The following LRP1B variants were observed in gnomAD, a reference collection of about 807,000 sequenced individuals.
The protein encoded by LRP1B is LDL receptor related protein 1B, also known as low-density lipoprotein receptor-related protein 1B.
In LRP1B, 217 loss-of-function variants were observed where a neutral mutation model predicts 556.6. That is an observed-to-expected ratio of 0.39 (90% confidence interval 0.35 to 0.44). LRP1B has a LOEUF of 0.44. Among genes scored for constraint, LRP1B ranks in the 20% least tolerant of loss-of-function variants. The probability of loss-of-function intolerance (pLI) is 1.00; values close to 1 mark genes in which losing one functional copy is unlikely to be tolerated. For synonymous variants in LRP1B, 2,047 were observed against 1,865.8 expected (o/e 1.10, Z -2.50); for missense variants, 5,053 against 5,620.8 (o/e 0.90, Z 3.23).
intron 11 of LRP1B, among the ~76,000 whole-genome samples, chr2:141,030,899 G>A (rs1470567078): frequency 1.3e-5 from 2 of 151,808 alleles, no homozygotes; most frequent in Non-Finnish European, 1.5e-5. Context: ...TTTTTTGAGG[G>A]AGGCAAAAAG....
chr2:140,529,748 G>T (rs11693520), intron 47 of LRP1B, among the ~76,000 whole-genome samples: 71,755 of 151,690 alleles, frequency 0.47, 17,490 homozygotes, highest in East Asian at 0.63. Flanking sequence ...TTCCCAAAGG[G>T]AGCAGTCTGT....
rs1197955075 is a variant in LRP1B at position 141,413,968 on chromosome 2, C to T, written c.343+66428G>A. Among the ~76,000 whole-genome samples the T allele has an allele frequency of 4.0e-5, 6 of 151,830 alleles. No individual in the cohort carries two copies. The East Asian group carries it at 5.8e-4, about 15-fold the overall frequency. On this transcript the variant is annotated intron_variant, in intron 3 of 90. Coordinates refer to ENST00000389484, the MANE Select transcript of LRP1B (RefSeq NM_018557.3). The stretch of plus-strand genomic sequence containing the variant: ...GAAAGAGGCTGGGCGCAGTGGCTCA[C>T]GCCTGTAATCCCAGCACTTTGGGAG...
At chr2:140,245,721 T>G (rs533789118) in intron 87 of LRP1B, among the ~76,000 whole-genome samples, 103 of 151,496 alleles carry the variant, frequency 6.8e-4, no homozygotes, top group African/African-American at 2.0e-3. Flanking sequence ...GGAAGAGAGA[T>G]AAAGTATTTT....
chr2:141,560,696 G>T (rs749738488), intron 2 of LRP1B, among the ~76,000 whole-genome samples: 4 of 151,614 alleles, frequency 2.6e-5, no homozygotes, highest in South Asian at 2.1e-4. Flanking sequence ...GGACATTAAA[G>T]AAATTATATG....
chr2:140,437,065 T>C (rs1243145025), intron 66 of LRP1B, among the ~76,000 whole-genome samples: 3 of 152,242 alleles, frequency 2.0e-5, no homozygotes, highest in Admixed American at 6.5e-5. Context: ...GAGTGTCATA[T>C]ATCAACAGCA....
rs1023565600 is a variant in LRP1B at position 140,728,406 on chromosome 2, C to T, written c.5759-11590G>A. On this transcript the variant is annotated intron_variant, in intron 35 of 90. Transcript: ENST00000389484. Reference sequence around the variant, plus strand: ...GATTAGAAAAGGACCAATAACAGCTCCAAGGAGAAATTTTTTTATTTTATT... The same window carrying T: ...GATTAGAAAAGGACCAATAACAGCTTCAAGGAGAAATTTTTTTATTTTATT... 3.3e-5 allele frequency among the ~76,000 whole-genome samples: 5 copies of T among 151,962 alleles called. No homozygotes were observed. The South Asian group carries it at 6.2e-4, about 19-fold the overall frequency.
chr2:141,623,136 A>G, intron 2 of LRP1B, among the ~76,000 whole-genome samples: 1 of 152,196 alleles, frequency 6.6e-6, no homozygotes, highest in East Asian at 1.9e-4. Context: ...CTAAGAAGGC[A>G]CATTTTAAAA....
intron 2 of LRP1B, among the ~76,000 whole-genome samples, chr2:141,493,764 C>T (rs1683418875): frequency 6.6e-6 from 1 of 152,110 alleles, no homozygotes. Flanking sequence ...ACCGTTATGG[C>T]TGTATCATGA....
chr2:140,255,838 A>T lies in LRP1B; in HGVS notation c.13248-8676T>A, dbSNP rs550306585. On this transcript the variant is annotated intron_variant, in intron 86 of 90. Coordinates refer to ENST00000389484, the MANE Select transcript of LRP1B (RefSeq NM_018557.3). ...TCATTTCTCACTGAAAGGAACATTA[A>T]TCCACTATGGGAAACTTTTTACATA... Among the ~76,000 whole-genome samples the T allele has an allele frequency of 1.3e-4, 20 of 152,332 alleles. No homozygotes were observed. In the East Asian group the frequency reaches 3.7e-3, roughly 28 times the overall value.
intron 77 of LRP1B, among the ~76,000 whole-genome samples, chr2:140,340,877 A>G (rs600802): frequency 0.48 from 72,671 of 151,142 alleles, 17,901 homozygotes; most frequent in Non-Finnish European, 0.53. Flanking sequence ...CAATGTTTAT[A>G]CCTAACCTAT....
At chr2:140,697,449 C>A (rs1437176001) in intron 41 of LRP1B, among the ~76,000 whole-genome samples, 1 of 151,574 alleles carries the variant, frequency 6.6e-6, no homozygotes, top group Non-Finnish European at 1.5e-5. Flanking sequence ...TTACAACACT[C>A]TCGTTTTTTT....
chr2:142,010,554 CAA>C (rs33927334), intron 1 of LRP1B, among the ~76,000 whole-genome samples: 75 of 60,236 alleles, frequency 1.2e-3, no homozygotes, highest in South Asian at 1.8e-3. Context: ...GATTCTGTCT[CAA>C]AAAAAAAAAA....
chr2:140,774,891 G>T (rs1689437563), intron 33 of LRP1B, among the ~76,000 whole-genome samples: 2 of 151,936 alleles, frequency 1.3e-5, no homozygotes, highest in African/African-American at 4.8e-5. Flanking sequence ...ATAACCATTT[G>T]GGTATTATAT....
intron 32 of LRP1B, among the ~76,000 whole-genome samples, chr2:140,800,555 T>A (rs943301036): frequency 2.0e-4 from 30 of 152,164 alleles, no homozygotes; most frequent in African/African-American, 7.2e-4. Context: ...GAATTGTAAA[T>A]TAAATACTAG....
At chr2:140,737,607 G>A (rs1687989441) in intron 35 of LRP1B, among the ~76,000 whole-genome samples, 2 of 152,098 alleles carry the variant, frequency 1.3e-5, no homozygotes, top group Admixed American at 6.6e-5. Flanking sequence ...ACAGTGGAAA[G>A]GCCAAGTGGA....
chr2:141,656,021 G>A (rs969528838), intron 2 of LRP1B, among the ~76,000 whole-genome samples: 3 of 152,030 alleles, frequency 2.0e-5, no homozygotes, highest in Admixed American at 2.0e-4. Flanking sequence ...ATTATAGAAA[G>A]CTTATGAGAT....
chr2:140,853,337 A>G (rs1049884306), intron 27 of LRP1B, among the ~76,000 whole-genome samples: 2 of 152,076 alleles, frequency 1.3e-5, no homozygotes, highest in Non-Finnish European at 2.9e-5. Flanking sequence ...CCTAGCATAA[A>G]ACTACCGAGA....
intron 41 of LRP1B, among the ~76,000 whole-genome samples, chr2:140,670,170 T>A (rs541781487): frequency 1.3e-5 from 2 of 152,264 alleles, no homozygotes; most frequent in South Asian, 4.1e-4. Context: ...ACACTACGCA[T>A]CCAATTTATG....
chr2:141,406,685 C>A (rs553628510), intron 3 of LRP1B, among the ~76,000 whole-genome samples: 1 of 151,722 alleles, frequency 6.6e-6, no homozygotes, highest in Non-Finnish European at 1.5e-5. Flanking sequence ...TAGTTGCAGT[C>A]GTGTCAGGCA....
Sources: allele counts gnomAD v4.1 joint callset (sites outside exome capture counted in the v4.1 genomes callset), GRCh38; gene constraint gnomAD v4.1.1; transcripts MANE v1.5; gene names NCBI Gene and HGNC (gene_info 2026-07-23, HGNC 2026-07-21).